RC3H1: variants seen among roughly 807,000 people sequenced by gnomAD.
RC3H1 encodes ring finger and CCCH-type domains 1.
Under a neutral mutation model 138.2 loss-of-function variants are expected in RC3H1, and 50 were observed. That is an observed-to-expected ratio of 0.36 (90% confidence interval 0.29 to 0.46). The LOEUF is 0.46. RC3H1 is among the 20% of genes least tolerant of loss of function. The probability of loss-of-function intolerance (pLI) is 1.00; values close to 1 mark genes in which losing one functional copy is unlikely to be tolerated. For synonymous variants in RC3H1, 462 were observed against 489.1 expected (o/e 0.94, Z 0.73); for missense variants, 1,031 against 1,388.1 (o/e 0.74, Z 4.09).
chr1:173,996,832 C>G (rs549805252), intron 1 of RC3H1, among the ~76,000 whole-genome samples: 4 of 152,270 alleles, frequency 2.6e-5, no homozygotes, highest in Admixed American at 2.6e-4. Flanking sequence ...GCTCTCCTTA[C>G]TTGTGACAAG....
intron 2 of RC3H1, among the ~76,000 whole-genome samples, chr1:173,991,784 T>C (rs1661296691): frequency 6.6e-6 from 1 of 152,254 alleles, no homozygotes; most frequent in African/African-American, 2.4e-5. Context: ...AGATGTTAAG[T>C]CAAACTTACA....
Position 173,933,929 on chromosome 1 carries a change from C to T in RC3H1, c.*4792G>A, listed in dbSNP as rs1314832367. 1 of 150,462 alleles carries T rather than the reference C, an allele frequency of 6.6e-6. No individual in the cohort carries two copies. Among genetic ancestry groups the T allele is most frequent in the Non-Finnish European group, 1.5e-5 (1 of 67,986 alleles). 9.3% of individuals were successfully genotyped at this position (150,462 alleles called of 1,614,324 possible). On this transcript the variant is annotated 3_prime_UTR_variant, in exon 20 of 20. Transcript: ENST00000367696. ...ACCATATCATCAGTTAAAAATTTAACACACTTAGACTCTTATTAGGGGGAA... is the reference window on the plus strand; with the variant it reads ...ACCATATCATCAGTTAAAAATTTAATACACTTAGACTCTTATTAGGGGGAA...
chr1:173,947,909 AT>A (rs911004777), intron 14 of RC3H1, among the ~76,000 whole-genome samples: 6 of 151,596 alleles, frequency 4.0e-5, no homozygotes, highest in African/African-American at 9.7e-5. Context: ...CACCCAGCTA[AT>A]TTTTTTTGAT....
rs552197641 is a variant in RC3H1 at position 174,006,876 on chromosome 1, T to C, written c.-150-13741A>G. Among the ~76,000 whole-genome samples, 192 of 152,300 alleles carry C rather than the reference T, an allele frequency of 1.3e-3. 2 individuals are homozygous for C. The highest frequency in any genetic ancestry group is 4.4e-3 in the African/African-American group (183 of 41,562). On this transcript the variant is annotated intron_variant, in intron 1 of 19. Transcript: ENST00000367696. ...AATCATATATCTTAAGACGCCTTACTGATATTTTAAGATGAAGTATAACAT... is the reference window on the plus strand; with the variant it reads ...AATCATATATCTTAAGACGCCTTACCGATATTTTAAGATGAAGTATAACAT...
chr1:173,974,001 A>C (rs1660469627), intron 7 of RC3H1, among the ~76,000 whole-genome samples: 1 of 152,170 alleles, frequency 6.6e-6, no homozygotes, highest in Non-Finnish European at 1.5e-5. Flanking sequence ...TGAATTCAAA[A>C]AATAGAGCTA....
chr1:174,017,344 T>C (rs1278335078), intron 1 of RC3H1, among the ~76,000 whole-genome samples: 1 of 152,160 alleles, frequency 6.6e-6, no homozygotes, highest in Non-Finnish European at 1.5e-5. Flanking sequence ...AAAACAAAAC[T>C]GCAAACTTCT....
intron 2 of RC3H1, among the ~76,000 whole-genome samples, chr1:173,990,005 C>T (rs1389686743): frequency 2.6e-5 from 4 of 151,862 alleles, no homozygotes; most frequent in African/African-American, 7.3e-5. Context: ...GGATTACAGG[C>T]GTGAGCCACC....
In RC3H1 at chr1:173,947,536, C is replaced by T; in HGVS notation, c.2570G>A (p.Arg857Lys). Reference protein sequence around the residue: ...GMRDQRLDLQRRAAETSDDDL... With the variant: ...GMRDQRLDLQKRAAETSDDDL... ...ATCATCACTGGTTTCTGCTGCTCTT[C>T]TCTGAAGATCTAATCGCTGGTCCCT... The change falls in exon 15 of 20, where the codon AGA (arginine) becomes AAA (lysine). Residue 857 changes from arginine (R) to lysine (K), a missense_variant. Arg to Lys is a conservative substitution (Grantham distance 26, BLOSUM62 2). Coordinates refer to ENST00000367696, the MANE Select transcript of RC3H1 (RefSeq NM_172071.4). The T allele has an allele frequency of 1.2e-6, 2 of 1,614,126 alleles. No homozygotes were observed. The highest frequency in any genetic ancestry group is 1.7e-6 in the Non-Finnish European group (2 of 1,180,020).
intron 1 of RC3H1, among the ~76,000 whole-genome samples, chr1:174,003,810 C>T (rs1428805247): frequency 1.3e-5 from 2 of 151,768 alleles, no homozygotes; most frequent in East Asian, 1.9e-4. Flanking sequence ...TACAGGCGCC[C>T]GCCACCACGC....
intron 5 of RC3H1, among the ~76,000 whole-genome samples, chr1:173,982,461 T>C (rs953535667): frequency 1.3e-5 from 2 of 152,184 alleles, no homozygotes; most frequent in Non-Finnish European, 2.9e-5. Flanking sequence ...TGGTAAGAAA[T>C]TGATATAGTT....
intron 1 of RC3H1, among the ~76,000 whole-genome samples, chr1:174,000,402 C>CT (rs1661541105): frequency 6.6e-6 from 1 of 152,186 alleles, no homozygotes. Flanking sequence ...ACTATCTACT[C>CT]TGAGCCAGGC....
intron 17 of RC3H1, 151 bp downstream of exon 17, chr1:173,946,325 C>A (rs1474320929): frequency 7.5e-6 from 4 of 534,384 alleles, no homozygotes; most frequent in African/African-American, 1.9e-5. Flanking sequence ...AGAGCTAAAT[C>A]CAGTATTGAA....
intron 13 of RC3H1, among the ~76,000 whole-genome samples, chr1:173,954,261 T>C (rs1392885623): frequency 2.0e-5 from 3 of 152,202 alleles, no homozygotes; most frequent in African/African-American, 4.8e-5. Context: ...AAATAAATCC[T>C]GTCATTTGCA....
Position 173,970,201 on chromosome 1 carries a change from C to CT in RC3H1, c.1334+303dup, listed in dbSNP as rs1660295395. 2.0e-5 allele frequency among the ~76,000 whole-genome samples: 3 copies of CT among 152,094 alleles called. No individual in the cohort carries two copies. The South Asian group carries it at 6.2e-4, about 32-fold the overall frequency. On this transcript the variant is annotated intron_variant, in intron 9 of 19. Coordinates refer to ENST00000367696, the MANE Select transcript of RC3H1 (RefSeq NM_172071.4). The stretch of plus-strand genomic sequence containing the variant: ...AAATTCATTTATATTTCATATACAT[C>CT]TTTTACACATAGTCTGAAAGTAATT...
At chr1:173,954,043 A>G (rs1208432437) in intron 13 of RC3H1, among the ~76,000 whole-genome samples, 2 of 151,644 alleles carry the variant, frequency 1.3e-5, no homozygotes, top group Non-Finnish European at 2.9e-5. Flanking sequence ...CATCTCAAAT[A>G]ATAATAATAA....
chr1:174,013,931 C>A (rs1020723868), intron 1 of RC3H1, among the ~76,000 whole-genome samples: 2 of 151,928 alleles, frequency 1.3e-5, no homozygotes, highest in African/African-American at 4.8e-5. Context: ...GACGAAGAGA[C>A]CTAAATGCAT....
rs1659984214 is a variant in RC3H1, at chr1:173,963,915, GA to G, written c.1831+57del. 20 of 1,409,524 alleles carry G rather than the reference GA, an allele frequency of 1.4e-5. No individual in the cohort carries two copies. The Admixed American group carries it at 3.4e-4, about 24-fold the overall frequency. 87.3% of individuals were successfully genotyped at this position (1,409,524 alleles called of 1,614,324 possible). A position where few individuals can be genotyped will look rare whatever the true frequency, so the allele number is the denominator to read the frequency against. On this transcript the variant is annotated intron_variant, in intron 11 of 19. Transcript: ENST00000367696. ...ACTGTGTAAATGATCACTCTGACCT[GA>G]AGAACAGTTCTGATAATTCCTAAGA...
chr1:174,009,465 T>G (rs566548352), intron 1 of RC3H1: 69 of 152,348 alleles, frequency 4.5e-4, no homozygotes, highest in African/African-American at 1.5e-3. Context: ...TTAATTTTTC[T>G]CAATAATACT....
intron 11 of RC3H1, among the ~76,000 whole-genome samples, chr1:173,963,095 G>A (rs138396367): frequency 2.6e-5 from 4 of 152,138 alleles, no homozygotes; most frequent in African/African-American, 4.8e-5. Context: ...TATGTAAAAC[G>A]TTAGTTTATT....
Sources: gnomAD v4.1 joint callset for allele counts (sites outside exome capture counted in the v4.1 genomes callset) on GRCh38, gnomAD v4.1.1 for gene constraint, MANE v1.5 for transcripts, NCBI Gene and HGNC (gene_info 2026-07-23, HGNC 2026-07-21) for gene names.